ZNF536: variants seen among roughly 807,000 people sequenced by gnomAD.
The protein encoded by ZNF536 is zinc finger protein 536.
Under a neutral mutation model 84.5 loss-of-function variants are expected in ZNF536, and 13 were observed. The observed-to-expected ratio is 0.15, with a 90% confidence interval of 0.10 to 0.24. The LOEUF is 0.24. ZNF536 is among the 10% of genes least tolerant of loss of function. The pLI, the probability that ZNF536 is intolerant of heterozygous loss-of-function variation, is 1.00. For synonymous variants in ZNF536, 811 were observed against 742.5 expected (o/e 1.09, Z -1.50); for missense variants, 1,536 against 1,747.5 (o/e 0.88, Z 2.16).
At chr19:30,613,388 A>C (rs1309336342) in intron 1 of ZNF536, among the ~76,000 whole-genome samples, 3 of 152,012 alleles carry the variant, frequency 2.0e-5, no homozygotes, top group African/African-American at 7.3e-5. Flanking sequence ...TGATTTTTCT[A>C]TTTCCCTCAA....
chr19:30,483,933 G>T (rs1157888278), intron 2 of ZNF536, among the ~76,000 whole-genome samples: 1 of 151,904 alleles, frequency 6.6e-6, no homozygotes, highest in Non-Finnish European at 1.5e-5. Context: ...TCATTCCTCT[G>T]GGTCTCTGTG....
intron 1 of ZNF536, among the ~76,000 whole-genome samples, chr19:30,624,893 A>G (rs751085586): frequency 2.6e-5 from 4 of 152,056 alleles, no homozygotes; most frequent in Non-Finnish European, 4.4e-5. Flanking sequence ...GGGTTTTATA[A>G]GTGTTTGGCA....
intron 1 of ZNF536, among the ~76,000 whole-genome samples, chr19:30,233,343 T>C (rs1158474529): frequency 4.0e-5 from 6 of 151,736 alleles, no homozygotes; most frequent in Non-Finnish European, 8.8e-5. Context: ...TGATACCTTT[T>C]TTTTTTTTTT....
At chr19:30,255,805 C>T (rs1300534226) in intron 1 of ZNF536, among the ~76,000 whole-genome samples, 3 of 152,166 alleles carry the variant, frequency 2.0e-5, no homozygotes, top group African/African-American at 7.2e-5. Context: ...TCTGCATAGA[C>T]CCCGTCATGG....
intron 1 of ZNF536, among the ~76,000 whole-genome samples, chr19:30,672,580 C>T (rs933540903): frequency 5.3e-5 from 8 of 152,190 alleles, no homozygotes; most frequent in African/African-American, 1.9e-4. Flanking sequence ...TAATCCCATT[C>T]CTCTCCAATC....
At chr19:30,476,045 A>G (rs1223906632) in intron 2 of ZNF536, among the ~76,000 whole-genome samples, 1 of 152,198 alleles carries the variant, frequency 6.6e-6, no homozygotes, top group Non-Finnish European at 1.5e-5. Flanking sequence ...GTCATTACAC[A>G]TGACTACCAA....
chr19:30,712,981 A>C (rs2052498310), exon 2 of ZNF536: 1 of 152,136 alleles, frequency 6.6e-6, no homozygotes, highest in Non-Finnish European at 1.5e-5. Flanking sequence ...AAAGAGGAAA[A>C]AAAAGTGGGG....
chr19:30,600,512 A>G (rs542461207), intron 1 of ZNF536, among the ~76,000 whole-genome samples: 9 of 152,298 alleles, frequency 5.9e-5, no homozygotes, highest in African/African-American at 2.2e-4. Flanking sequence ...GAATGTATCT[A>G]TATGGTTCCA....
chr19:30,469,237 AC>A (rs2053536123), intron 2 of ZNF536, among the ~76,000 whole-genome samples: 1 of 151,906 alleles, frequency 6.6e-6, no homozygotes, highest in Non-Finnish European at 1.5e-5. Context: ...ACATGGTGAA[AC>A]CCCATCTCTA....
intron 1 of ZNF536, among the ~76,000 whole-genome samples, chr19:30,237,292 C>T (rs576731857): frequency 6.6e-5 from 10 of 152,240 alleles, no homozygotes; most frequent in East Asian, 5.8e-4. Flanking sequence ...CTTCCTTCCC[C>T]GGGACAGACT....
At position 30,360,553 on chromosome 19, in the gene ZNF536, C is replaced by T. The variant is rs75300146; in HGVS notation, c.-3+8069C>T. Reference sequence around the variant, plus strand: ...AGGCCACAGAGATGGGAGTGTCTGACGCCAGGAAATAATGAAACACGATCA... The same window carrying T: ...AGGCCACAGAGATGGGAGTGTCTGATGCCAGGAAATAATGAAACACGATCA... On this transcript the variant is annotated intron_variant, in intron 3 of 5. Coordinates refer to the ZNF536 transcript ENST00000585628. 2.0e-3 allele frequency among the ~76,000 whole-genome samples: 298 copies of T among 152,216 alleles called. 2 individuals carry two copies. Among genetic ancestry groups the T allele is most frequent in the Non-Finnish European group, 3.5e-3 (239 of 68,030 alleles).
chr19:30,574,236 C>G (rs1417184935), intron 1 of ZNF536, among the ~76,000 whole-genome samples: 1 of 152,184 alleles, frequency 6.6e-6, no homozygotes, highest in Admixed American at 6.5e-5. Context: ...TACCCTAAAA[C>G]TATTTGTGAT....
At chr19:30,518,157 C>T (rs939005264) in intron 2 of ZNF536, among the ~76,000 whole-genome samples, 7 of 152,166 alleles carry the variant, frequency 4.6e-5, no homozygotes, top group African/African-American at 1.4e-4. Context: ...GCTCCAAGCA[C>T]GGTCCAGCCA....
intron 1 of ZNF536, among the ~76,000 whole-genome samples, chr19:30,393,438 A>G (rs2147369938): frequency 1.3e-5 from 2 of 152,346 alleles, no homozygotes; most frequent in South Asian, 4.1e-4. Flanking sequence ...TGATGAGTGA[A>G]ATAGACTTGA....
intron 2 of ZNF536, among the ~76,000 whole-genome samples, chr19:30,351,272 C>G (rs1047636471): frequency 6.6e-6 from 1 of 152,186 alleles, no homozygotes; most frequent in African/African-American, 2.4e-5. Flanking sequence ...CAGCAAAATA[C>G]TAGTGACAGT....
chr19:30,676,316 G>A (rs936164816), intron 1 of ZNF536, among the ~76,000 whole-genome samples: 1 of 152,184 alleles, frequency 6.6e-6, no homozygotes, highest in Non-Finnish European at 1.5e-5. Flanking sequence ...CCTGAACTGT[G>A]CCCATTGAGA....
Position 30,655,383 on chromosome 19 carries a change from G to T in ZNF536, c.170-55374G>T, listed in dbSNP as rs144545172. Among the ~76,000 whole-genome samples the T allele has an allele frequency of 1.3e-3, 196 of 152,234 alleles. 1 individual carries two copies. The highest frequency in any genetic ancestry group is 4.3e-3 in the African/African-American group (179 of 41,536). On this transcript the variant is annotated intron_variant, in intron 1 of 1. Transcript: ENST00000592773. The stretch of plus-strand genomic sequence containing the variant: ...ATTACATTCAGAGAAAATGGTACGT[G>T]GTACCCAATTGTGGCCACATGCAAG...
Position 30,444,644 on chromosome 19 carries a change from A to T in ZNF536, c.1082A>T (p.Lys361Met). Residue 361 changes from lysine to methionine, a missense_variant, in exon 2 of 5, where the codon AAG (lysine) becomes ATG (methionine). Physicochemically the swap from Lys to Met is moderately conservative, Grantham distance 95 (BLOSUM62 -1). Transcript: ENST00000355537. ...GQVFSQAWFL[K>M]GHMRKHKDSF... ...GTGTTCAGCCAGGCGTGGTTCCTCAAGGGTCACATGCGCAAGCACAAAGAC... is the reference window on the plus strand; with the variant it reads ...GTGTTCAGCCAGGCGTGGTTCCTCATGGGTCACATGCGCAAGCACAAAGAC... 6.2e-7 allele frequency: 1 copy of T among 1,613,946 alleles called. No individual in the cohort carries two copies. The highest frequency in any genetic ancestry group is 8.5e-7 in the Non-Finnish European group (1 of 1,180,048).
intron 1 of ZNF536, among the ~76,000 whole-genome samples, chr19:30,665,960 G>A (rs529903076): frequency 6.6e-6 from 1 of 152,292 alleles, no homozygotes; most frequent in East Asian, 1.9e-4. Flanking sequence ...TCCTGTGGTG[G>A]CCCCTTTTGG....
Sources: gnomAD v4.1 joint callset for allele counts (sites outside exome capture counted in the v4.1 genomes callset) on GRCh38, gnomAD v4.1.1 for gene constraint, MANE v1.5 for transcripts, NCBI Gene and HGNC (gene_info 2026-07-23, HGNC 2026-07-21) for gene names.